Variants in TNS3 observed in about 807,000 individuals in gnomAD.
The protein encoded by TNS3 is tensin 3.
Under a neutral mutation model 140.9 loss-of-function variants are expected in TNS3, and 45 were observed. That is an observed-to-expected ratio of 0.32 (90% CI 0.25 to 0.41). TNS3 has a LOEUF of 0.41. Ranked by LOEUF, TNS3 falls within the 10% of genes least tolerant of loss-of-function variation. TNS3 has a pLI of 1.00. For missense variants in TNS3, 1,716 were observed against 1,906.7 expected (o/e 0.90, Z 1.86); for synonymous variants, 815 against 788.4 (o/e 1.03, Z -0.56).
Position 47,280,495 on chromosome 7 carries a change from A to T in TNS3, c.4098-141T>A, listed in dbSNP as rs1055661639. The T allele has an allele frequency of 2.8e-5, 22 of 796,580 alleles. No individual in the cohort carries two copies. The African/African-American group carries it at 3.2e-4, about 12-fold the overall frequency. The allele number at this position is 796,580 out of a possible 1,614,324, so 49.3% of individuals were successfully genotyped here. A position where few individuals can be genotyped will look rare whatever the true frequency, so the allele number is the denominator to read the frequency against. On this transcript the variant is annotated intron_variant, in intron 28 of 30. Transcript: ENST00000311160. ...TACTTTTACTCATCACTTGGAGAGA[A>T]GAAAGTGCGTGCTCATTCAAAGTCA...
intron 20 of TNS3, among the ~76,000 whole-genome samples, chr7:47,306,131 T>C (rs999044992): frequency 2.0e-5 from 3 of 152,178 alleles, no homozygotes; most frequent in Admixed American, 2.0e-4. Flanking sequence ...AAAAATGACA[T>C]TTACTAAGAA....
chr7:47,447,434 T>C (rs1409980211), intron 4 of TNS3, among the ~76,000 whole-genome samples: 1 of 152,090 alleles, frequency 6.6e-6, no homozygotes, highest in Non-Finnish European at 1.5e-5. Flanking sequence ...GCACACAGGC[T>C]CCACATCAGG....
At position 47,573,415 on chromosome 7, in the gene TNS3, T is replaced by C. The variant is rs533602268; in HGVS notation, c.-265+8636A>G. On this transcript the variant is annotated intron_variant, in intron 1 of 30. Coordinates refer to ENST00000311160, the MANE Select transcript of TNS3 (RefSeq NM_022748.12). ...GTCGCTGGGGCATTGGTCTCAAATC[T>C]ACAAGCGCCATGGAAAGTTGTCCAG... is the stretch of plus-strand genomic sequence containing the variant. Among the ~76,000 whole-genome samples the C allele has an allele frequency of 2.6e-5, 4 of 152,264 alleles. No homozygotes were observed. The South Asian group carries it at 8.3e-4, about 32-fold the overall frequency.
rs529359494 is a variant in TNS3 at position 47,460,677 on chromosome 7, A to T, written c.-75-18622T>A. 5.9e-5 allele frequency among the ~76,000 whole-genome samples: 9 copies of T among 152,382 alleles called. No individual in the cohort carries two copies. The East Asian group carries it at 1.5e-3, about 26-fold the overall frequency. On this transcript the variant is annotated intron_variant, in intron 4 of 30. Coordinates refer to ENST00000311160, the MANE Select transcript of TNS3 (RefSeq NM_022748.12). Reference sequence around the variant, plus strand: ...AAGGTGTGGGGCCGGAATGGCCCCTAGCCACACGTGGAAACGTTGCCTCCT... The same window carrying T: ...AAGGTGTGGGGCCGGAATGGCCCCTTGCCACACGTGGAAACGTTGCCTCCT...
rs1454085970 is a variant in TNS3 at position 47,428,307 on chromosome 7, C to T, written c.389+5G>A. On this transcript the variant is annotated splice_donor_5th_base_variant and intron_variant, in intron 9 of 30. Coordinates refer to ENST00000311160, the MANE Select transcript of TNS3 (RefSeq NM_022748.12). ...CAAGACAGCGAGCTGACATCTTCAT[C>T]CTACCTGGCTGAGACGTTGGTGAAA... 5 of 1,430,574 alleles carry T rather than the reference C, an allele frequency of 3.5e-6. No homozygotes were observed. Among genetic ancestry groups the T allele is most frequent in the Non-Finnish European group, 4.6e-6 (5 of 1,085,888 alleles). 88.6% of individuals were successfully genotyped at this position (1,430,574 alleles called of 1,614,324 possible).
At chr7:47,427,296 G>T (rs1046321716) in intron 9 of TNS3, among the ~76,000 whole-genome samples, 1 of 152,100 alleles carries the variant, frequency 6.6e-6, no homozygotes, top group Non-Finnish European at 1.5e-5. Context: ...CACCAAGAGG[G>T]TATCTGATTT....
At chr7:47,375,435 T>G (rs1749508418) in intron 16 of TNS3, among the ~76,000 whole-genome samples, 1 of 152,200 alleles carries the variant, frequency 6.6e-6, no homozygotes, top group Non-Finnish European at 1.5e-5. Context: ...CCAGTGAGGT[T>G]TATCGCCTGG....
intron 17 of TNS3, among the ~76,000 whole-genome samples, chr7:47,350,593 C>T (rs1789609729): frequency 1.3e-5 from 2 of 152,190 alleles, no homozygotes. Flanking sequence ...TGCTGTTGAA[C>T]CCATGTCCTG....
At chr7:47,324,292 AT>A (rs561729055) in intron 20 of TNS3, among the ~76,000 whole-genome samples, 4 of 152,188 alleles carry the variant, frequency 2.6e-5, no homozygotes, top group Non-Finnish European at 4.4e-5. Context: ...ACTTTATTAT[AT>A]AAATTTTGAA....
rs555432574 is a variant in TNS3, at chr7:47,578,411, T to A, written c.-265+3640A>T. On this transcript the variant is annotated intron_variant, in intron 1 of 30. Transcript: ENST00000311160. ...ACCCTAAATTGTGTGCAGTGCTTCA[T>A]CCCCAAGTTGATGGCCCCCATCCTC... Among the ~76,000 whole-genome samples, 14 of 152,212 alleles carry A rather than the reference T, an allele frequency of 9.2e-5. No homozygotes were observed. In the East Asian group the frequency reaches 2.5e-3, roughly 27 times the overall value.
At chr7:47,516,779 T>G (rs1798790820) in intron 2 of TNS3, among the ~76,000 whole-genome samples, 2 of 152,156 alleles carry the variant, frequency 1.3e-5, no homozygotes, top group Admixed American at 1.3e-4. Flanking sequence ...CTAGCTCTTG[T>G]GGGTCAGGAG....
In TNS3 at chr7:47,345,141, C is replaced by A. The variant is rs1584447572; in HGVS notation, c.2452-103G>T. On this transcript the variant is annotated intron_variant, in intron 18 of 30. Coordinates refer to ENST00000311160, the MANE Select transcript of TNS3 (RefSeq NM_022748.12). Reference sequence around the variant, plus strand: ...CCCCCAGGCTGGCCCACTGAGCAAACCCCTCCTCTGACAGTAGGACAAGGA... The same window carrying A: ...CCCCCAGGCTGGCCCACTGAGCAAAACCCTCCTCTGACAGTAGGACAAGGA... 15 of 834,864 alleles carry A rather than the reference C, an allele frequency of 1.8e-5. No homozygotes were observed. In the East Asian group the frequency reaches 3.6e-4, roughly 20 times the overall value. 51.7% of individuals were successfully genotyped at this position (834,864 alleles called of 1,614,324 possible).
intron 3 of TNS3, among the ~76,000 whole-genome samples, chr7:47,504,209 C>A (rs189414024): frequency 6.6e-6 from 1 of 152,174 alleles, no homozygotes. Context: ...AGTCTTTTGG[C>A]GCTTCTCAAA....
chr7:47,510,612 G>A (rs1425825763), intron 2 of TNS3, among the ~76,000 whole-genome samples: 1 of 152,100 alleles, frequency 6.6e-6, no homozygotes, highest in Non-Finnish European at 1.5e-5. Context: ...GGTGGCTCAC[G>A]CCTGTAATCT....
At chr7:47,503,831 C>G (rs1584783380) in intron 3 of TNS3, among the ~76,000 whole-genome samples, 1 of 151,994 alleles carries the variant, frequency 6.6e-6, no homozygotes, top group African/African-American at 2.4e-5. Flanking sequence ...CTGGTGTGGG[C>G]CCTTTTCAGG....
intron 1 of TNS3, among the ~76,000 whole-genome samples, chr7:47,560,083 A>G (rs1800292740): frequency 6.6e-6 from 1 of 152,082 alleles, no homozygotes; most frequent in Admixed American, 6.6e-5. Context: ...GCTTTTCTGC[A>G]TCATTGCCAT....
At position 47,435,276 on chromosome 7, in the gene TNS3, A is replaced by G. The variant is rs748309843; in HGVS notation, c.324+6T>C. 3.7e-6 allele frequency: 6 copies of G among 1,613,690 alleles called. No homozygotes were observed. Among genetic ancestry groups the G allele is most frequent in the Non-Finnish European group, 5.1e-6 (6 of 1,179,954 alleles). On this transcript the variant is annotated splice_donor_region_variant and intron_variant, in intron 8 of 30. Coordinates refer to ENST00000311160, the MANE Select transcript of TNS3 (RefSeq NM_022748.12). Reference sequence around the variant, plus strand: ...GACCCCCAAATGTGAGAGGGGGCGCACTCACCCTGCAGTGAATGACGACCA... The same window carrying G: ...GACCCCCAAATGTGAGAGGGGGCGCGCTCACCCTGCAGTGAATGACGACCA...
At chr7:47,289,361 G>C (rs77202398) in intron 27 of TNS3, among the ~76,000 whole-genome samples, 4,931 of 152,172 alleles carry the variant, frequency 0.032, 273 homozygotes, top group African/African-American at 0.11. Flanking sequence ...AAACAGTTTT[G>C]AAAGTCAGGG....
At chr7:47,340,585 C>CTTTTTTTTCTTTTT (rs1788948570) in intron 20 of TNS3, among the ~76,000 whole-genome samples, 2 of 134,856 alleles carry the variant, frequency 1.5e-5, no homozygotes, top group African/African-American at 5.5e-5. Context: ...TCTTTTTTTT[C>CTTTTTTTTCTTTTT]TTTTTTTTTT....
Sources: allele counts gnomAD v4.1 joint callset (sites outside exome capture counted in the v4.1 genomes callset), GRCh38; gene constraint gnomAD v4.1.1; transcripts MANE v1.5; gene names NCBI Gene and HGNC (gene_info 2026-07-23, HGNC 2026-07-21).